Variants in TSTD2 observed in about 807,000 individuals in gnomAD.
The protein encoded by TSTD2 is thiosulfate sulfurtransferase/rhodanese-like domain-containing protein 2.
TSTD2 carries 37 observed loss-of-function variants against 47.9 expected under a neutral mutation model. The ratio of observed to expected loss-of-function variants is 0.77; its 90% confidence interval spans 0.59 to 1.02. The LOEUF is 1.02. TSTD2 is among the 50% of genes least tolerant of loss of function. The pLI is 0.00. For missense variants in TSTD2, 586 were observed against 616.0 expected (o/e 0.95, Z 0.52); for synonymous variants, 201 against 215.9 (o/e 0.93, Z 0.61).
intron 3 of TSTD2, among the ~76,000 whole-genome samples, chr9:97,621,758 T>A (rs998294711): frequency 1.3e-5 from 2 of 152,240 alleles, no homozygotes; most frequent in African/African-American, 4.8e-5. Flanking sequence ...AAGATGTTTA[T>A]TAAAGACAAT....
intron 1 of TSTD2, among the ~76,000 whole-genome samples, chr9:97,631,186 G>A (rs1006953847): frequency 7.2e-5 from 11 of 152,136 alleles, no homozygotes; most frequent in Non-Finnish European, 1.5e-4. Context: ...GGGTGATCTC[G>A]GCTCACTGCA....
chr9:97,602,840 G>T (rs1300392150), intron 9 of TSTD2, 73 bp from the exon 10 acceptor site: 2 of 1,453,986 alleles, frequency 1.4e-6, no homozygotes, highest in African/African-American at 1.4e-5. Flanking sequence ...TGCTCCCTTT[G>T]CTGACTAGAA....
intron 5 of TSTD2, 109 bp from the exon 6 acceptor site, chr9:97,610,560 G>A: frequency 1.3e-6 from 1 of 773,560 alleles, no homozygotes; most frequent in East Asian, 3.2e-5. Context: ...AATAGCTGAA[G>A]TCTTAAAAAA....
intron 3 of TSTD2, 152 bp downstream of exon 3, chr9:97,625,529 T>A (rs1375330158): frequency 2.7e-6 from 2 of 735,864 alleles, no homozygotes; most frequent in Non-Finnish European, 4.4e-6. Context: ...CCACCAACAG[T>A]GACTGGGTGT....
chr9:97,611,466 G>GTATT, intron 5 of TSTD2, 108 bp downstream of exon 5: 1 of 1,265,008 alleles, frequency 7.9e-7, no homozygotes, highest in Admixed American at 2.4e-5. Context: ...AGGGGAAAGG[G>GTATT]TATTTATTTG....
chr9:97,603,441 CT>C (rs1204027802), intron 9 of TSTD2, among the ~76,000 whole-genome samples: 1 of 152,174 alleles, frequency 6.6e-6, no homozygotes, highest in African/African-American at 2.4e-5. Flanking sequence ...CCAATATAAC[CT>C]CTGTAAAATC....
At chr9:97,602,999 C>G (rs920907615) in intron 9 of TSTD2, 16 of 427,100 alleles carry the variant, frequency 3.7e-5, no homozygotes, top group South Asian at 1.9e-4. Context: ...TATTTACTGA[C>G]TTTTTTTTTC....
At chr9:97,629,369 T>C (rs757912399) in intron 1 of TSTD2, among the ~76,000 whole-genome samples, 5 of 152,200 alleles carry the variant, frequency 3.3e-5, no homozygotes, top group African/African-American at 7.2e-5. Context: ...GGACCTTTGT[T>C]CCTTGGATTC....
chr9:97,609,146 A>T (rs973211542), intron 6 of TSTD2, among the ~76,000 whole-genome samples: 1 of 152,018 alleles, frequency 6.6e-6, no homozygotes, highest in African/African-American at 2.4e-5. Context: ...TAAACTAATA[A>T]TTTTTTATAT....
At chr9:97,623,750 G>A (rs1587983111) in intron 3 of TSTD2, among the ~76,000 whole-genome samples, 2 of 152,088 alleles carry the variant, frequency 1.3e-5, no homozygotes, top group Admixed American at 6.5e-5. Flanking sequence ...CCAGCTACTC[G>A]GGAGGCTGAG....
At position 97,633,279 on chromosome 9, in the gene TSTD2, T is replaced by G; in HGVS notation, c.-87A>C. On this transcript the variant is annotated 5_prime_UTR_variant, in exon 1 of 10. Coordinates refer to ENST00000341170, the MANE Select transcript of TSTD2 (RefSeq NM_139246.5). Reference sequence around the variant, plus strand: ...GATCCTTTCTAAGGTCTCTCTTCCCTGCACTGTCTCCGCCTAGCAATTGTC... The same window carrying G: ...GATCCTTTCTAAGGTCTCTCTTCCCGGCACTGTCTCCGCCTAGCAATTGTC... The G allele has an allele frequency of 8.2e-6, 2 of 242,878 alleles. No homozygotes were observed. The highest frequency in any genetic ancestry group is 1.6e-5 in the Non-Finnish European group (2 of 127,352). The allele number at this position is 242,878 out of a possible 1,614,324, so 15.0% of individuals were successfully genotyped here.
intron 4 of TSTD2, among the ~76,000 whole-genome samples, chr9:97,615,641 A>G (rs1383926753): frequency 6.6e-6 from 1 of 152,216 alleles, no homozygotes; most frequent in Non-Finnish European, 1.5e-5. Context: ...TGTATCCTTG[A>G]CACCTAGGAA....
At chr9:97,633,130 G>C (rs1826869053) in intron 1 of TSTD2, 113 bp downstream of exon 1, 1 of 153,912 alleles carries the variant, frequency 6.5e-6, no homozygotes, top group Admixed American at 6.5e-5. Context: ...GGCGGCACGT[G>C]CGGCACCGCC....
rs200715388 is a variant in TSTD2, at chr9:97,618,400, T to C, written c.483-523A>G. On this transcript the variant is annotated intron_variant, in intron 3 of 9. Transcript: ENST00000341170. ...CGCCAGTCTTCTGATACCAGATCTA[T>C]ACTCTTTCTACTGCACTGGGCTGTC... Among the ~76,000 whole-genome samples the C allele has an allele frequency of 7.2e-5, 11 of 152,340 alleles. No individual in the cohort carries two copies. The East Asian group carries it at 2.1e-3, about 29-fold the overall frequency.
Position 97,601,413 on chromosome 9 carries a change from C to G in TSTD2, c.*1056G>C, listed in dbSNP as rs751095951. The G allele has an allele frequency of 9.7e-7, 1 of 1,035,510 alleles. No individual in the cohort carries two copies. The highest frequency in any genetic ancestry group is 3.1e-5 in the South Asian group (1 of 32,546). The allele number at this position is 1,035,510 out of a possible 1,614,324, so 64.1% of individuals were successfully genotyped here. ...CTAAAAACTGTGGCTCAAATGTCACCGAGCTTATATGAAGCTCCCAGAGAG... is the reference window on the plus strand; with the variant it reads ...CTAAAAACTGTGGCTCAAATGTCACGGAGCTTATATGAAGCTCCCAGAGAG... On this transcript the variant is annotated 3_prime_UTR_variant, in exon 10 of 10. Transcript: ENST00000341170.
intron 6 of TSTD2, 22 bp from the exon 7 acceptor site, chr9:97,606,283 T>A (rs1826364104): frequency 1.4e-6 from 2 of 1,475,198 alleles, no homozygotes; most frequent in African/African-American, 1.4e-5. Flanking sequence ...CCAAAAAAAT[T>A]ATATTAAAAC....
intron 1 of TSTD2, among the ~76,000 whole-genome samples, chr9:97,632,693 G>A (rs1027568339): frequency 2.6e-5 from 4 of 152,186 alleles, no homozygotes; most frequent in African/African-American, 9.7e-5. Context: ...GCCGTCATAG[G>A]AGACTTTTAA....
At chr9:97,628,746 A>G (rs75567953) in intron 1 of TSTD2, among the ~76,000 whole-genome samples, 3 of 152,184 alleles carry the variant, frequency 2.0e-5, no homozygotes, top group African/African-American at 7.2e-5. Context: ...TGGGTTCTCA[A>G]AAGGATACGC....
Position 97,600,300 on chromosome 9 carries a change from T to C in TSTD2, c.*2169A>G, listed in dbSNP as rs41274250. The C allele has an allele frequency of 0.027, 26,249 of 986,204 alleles. 355 individuals carry two copies. The highest frequency in any genetic ancestry group is 0.029 in the Non-Finnish European group (23,917 of 830,228). The allele number at this position is 986,204 out of a possible 1,614,324, so 61.1% of individuals were successfully genotyped here. On this transcript the variant is annotated 3_prime_UTR_variant, in exon 10 of 10. Transcript: ENST00000341170. ...GGAGTCAACATGAGATTCCTTTTGC[T>C]GGATATGCAGAAATGATAGGAAAAA... is the stretch of plus-strand genomic sequence containing the variant.
Sources: gnomAD v4.1 joint callset for allele counts (sites outside exome capture counted in the v4.1 genomes callset) on GRCh38, gnomAD v4.1.1 for gene constraint, MANE v1.5 for transcripts, NCBI Gene and HGNC (gene_info 2026-07-23, HGNC 2026-07-21) for gene names.